FNDC1: variants seen among roughly 807,000 people sequenced by gnomAD.
The protein encoded by FNDC1 is fibronectin type III domain containing 1, also known as fibronectin type III domain-containing protein 1.
In FNDC1, 96 loss-of-function variants were observed where a neutral mutation model predicts 168.0. The ratio of observed to expected loss-of-function variants is 0.57; its 90% CI spans 0.48 to 0.68. FNDC1 has a LOEUF of 0.68. FNDC1 is among the 30% of genes least tolerant of loss of function. The pLI, the probability that FNDC1 is intolerant of heterozygous loss-of-function variation, is 0.00. For synonymous variants in FNDC1, 1,099 were observed against 1,025.9 expected (o/e 1.07, Z -1.36); for missense variants, 2,587 against 2,482.1 (o/e 1.04, Z -0.90).
chr6:159,256,526 A>G lies in FNDC1; in HGVS notation c.5069A>G (p.Tyr1690Cys). The G allele has an allele frequency of 6.2e-7, 1 of 1,610,322 alleles. No homozygotes were observed. Among genetic ancestry groups the G allele is most frequent in the African/African-American group, 1.3e-5 (1 of 74,860 alleles). The change falls in exon 18 of 23, where the codon TAC (tyrosine) becomes TGC (cysteine). Residue 1690 changes from tyrosine (Y) to cysteine (C), a missense_variant. Physicochemically the swap from Tyr to Cys is radical, Grantham distance 194 (BLOSUM62 -2). Coordinates refer to ENST00000297267, the MANE Select transcript of FNDC1 (RefSeq NM_032532.3). ...KATPGDVVTGYLVYSASYEDF... is the reference protein window; with the variant it reads ...KATPGDVVTGCLVYSASYEDF... ...TTTTTCCTGTTTCCATTTTCAGGTT[A>G]CTTGGTTTACAGTGCATCCTATGAA...
chr6:159,244,676 C>T (rs1430677845), intron 14 of FNDC1, among the ~76,000 whole-genome samples: 1 of 152,206 alleles, frequency 6.6e-6, no homozygotes, highest in Non-Finnish European at 1.5e-5. Context: ...TTTAATAGAG[C>T]ATCTTCATAT....
intron 1 of FNDC1, among the ~76,000 whole-genome samples, chr6:159,187,326 C>T (rs775757649): frequency 1.3e-5 from 2 of 152,180 alleles, no homozygotes; most frequent in Non-Finnish European, 2.9e-5. Flanking sequence ...GGGACACCTG[C>T]TTGCCTTGAT....
At chr6:159,267,676 A>G (rs1777617897) in intron 21 of FNDC1, 128 bp from the exon 22 acceptor site, 1 of 955,924 alleles carries the variant, frequency 1.0e-6, no homozygotes, top group African/African-American at 1.7e-5. Flanking sequence ...CAGACATGAA[A>G]AATACAGCAC....
chr6:159,214,284 G>A (rs1166319455), intron 4 of FNDC1, among the ~76,000 whole-genome samples: 1 of 152,186 alleles, frequency 6.6e-6, no homozygotes, highest in Non-Finnish European at 1.5e-5. Flanking sequence ...ACACTGCTTT[G>A]GGAAAGTTTA....
At position 159,239,048 on chromosome 6, in the gene FNDC1, T is replaced by C. The variant is rs371653287; in HGVS notation, c.4180+383T>C. 3.9e-5 allele frequency among the ~76,000 whole-genome samples: 6 copies of C among 152,374 alleles called. No individual in the cohort carries two copies. The East Asian group carries it at 1.2e-3, about 29-fold the overall frequency. ...AATATTTTGTGGCATGGTAATTACG[T>C]GAAATGCACATTTCAGTGTCCATAC... On this transcript the variant is annotated intron_variant, in intron 13 of 22. Transcript: ENST00000297267.
chr6:159,271,408 A>G lies in FNDC1; in HGVS notation c.5651A>G (p.Tyr1884Cys). The change falls in exon 23 of 23, where the codon TAC (tyrosine) becomes TGC (cysteine). Residue 1884 changes from tyrosine to cysteine, a missense_variant. Tyr to Cys is a radical substitution (Grantham distance 194). Coordinates refer to ENST00000297267, the MANE Select transcript of FNDC1 (RefSeq NM_032532.3). The stretch of plus-strand genomic sequence containing the variant: ...ACCCCCTACTACTATGTGGGCTGGT[A>G]CGAGTGTGGGGTCTCCATCCCTGGA... ...FGTPYYYVGWYECGVSIPGKW is the reference protein window; with the variant it reads ...FGTPYYYVGWCECGVSIPGKW 2 of 1,611,850 alleles carry G rather than the reference A, an allele frequency of 1.2e-6. No individual in the cohort carries two copies. The highest frequency in any genetic ancestry group is 1.7e-6 in the Non-Finnish European group (2 of 1,179,108).
At position 159,202,684 on chromosome 6, in the gene FNDC1, T is replaced by C. The variant is rs188509373; in HGVS notation, c.460+2103T>C. Among the ~76,000 whole-genome samples the C allele has an allele frequency of 3.3e-4, 50 of 152,338 alleles. 1 individual carries two copies. The South Asian group carries it at 6.2e-3, about 19-fold the overall frequency. ...AGACCTCCTTTTGCAGGCTTACAGC[T>C]ATCTCAACTGAATTGTCTTTACCTA... On this transcript the variant is annotated intron_variant, in intron 4 of 22. Transcript: ENST00000297267.
rs770572495 is a variant in FNDC1 at position 159,232,544 on chromosome 6, T to C, written c.2032T>C (p.Ser678Pro). 121 of 1,612,048 alleles carry C rather than the reference T, an allele frequency of 7.5e-5. 3 individuals are homozygous for C. Among genetic ancestry groups the C allele is most frequent in the South Asian group, 4.4e-4 (40 of 90,900 alleles). Residue 678 changes from serine (S) to proline (P), a missense_variant, in exon 11 of 23, where the codon TCC (serine) becomes CCC (proline). Coordinates refer to ENST00000297267, the MANE Select transcript of FNDC1 (RefSeq NM_032532.3). The surrounding 1 kb of genome is among the most constrained non-coding windows in gnomAD (Gnocchi z 4.9). ...PALSPSRQSPSSVLRDRSSVH... is the reference protein window; with the variant it reads ...PALSPSRQSPPSVLRDRSSVH... The stretch of plus-strand genomic sequence containing the variant: ...CCTGTCCCCCAGCCGCCAGTCCCCG[T>C]CCAGCGTTCTCCGCGACAGAAGCTC...
intron 4 of FNDC1, among the ~76,000 whole-genome samples, chr6:159,205,038 G>T (rs927106458): frequency 1.3e-5 from 2 of 152,066 alleles, no homozygotes; most frequent in African/African-American, 4.8e-5. Flanking sequence ...AAGGGCTGTT[G>T]TCACCTTCTC....
In FNDC1 at chr6:159,267,900, A is replaced by G; in HGVS notation, c.5543A>G (p.Tyr1848Cys). 6.2e-7 allele frequency: 1 copy of G among 1,611,998 alleles called. No individual in the cohort carries two copies. The change falls in exon 22 of 23, where the codon TAT becomes TGT. Residue 1848 changes from tyrosine to cysteine, a missense_variant. Tyr to Cys is a radical substitution (Grantham distance 194, BLOSUM62 -2). Coordinates refer to ENST00000297267, the MANE Select transcript of FNDC1 (RefSeq NM_032532.3). ...HLDGRTGPQSYVEALPTIQGY... is the reference protein window; with the variant it reads ...HLDGRTGPQSCVEALPTIQGY... ...GATGGAAGAACAGGGCCTCAGTCCT[A>G]TGTAGAAGCCCTCCCTACTATTCAA...
chr6:159,224,557 C>CT (rs34006770), intron 7 of FNDC1, among the ~76,000 whole-genome samples: 6 of 151,902 alleles, frequency 3.9e-5, no homozygotes, highest in African/African-American at 1.2e-4. Context: ...AAGATAGCTG[C>CT]TTTTTTTTGA....
intron 1 of FNDC1, among the ~76,000 whole-genome samples, chr6:159,189,484 A>T (rs1374396234): frequency 6.6e-6 from 1 of 152,208 alleles, no homozygotes; most frequent in East Asian, 1.9e-4. Flanking sequence ...TCCACAATAC[A>T]GTGTGGATTG....
At chr6:159,242,622 A>T (rs1783449124) in intron 14 of FNDC1, among the ~76,000 whole-genome samples, 1 of 152,212 alleles carries the variant, frequency 6.6e-6, no homozygotes, top group Non-Finnish European at 1.5e-5. Flanking sequence ...TTGTGCAATG[A>T]TCACCACTAT....
chr6:159,189,416 C>T (rs1034830650), intron 1 of FNDC1, among the ~76,000 whole-genome samples: 1 of 152,172 alleles, frequency 6.6e-6, no homozygotes, highest in Non-Finnish European at 1.5e-5. Flanking sequence ...GGTCACACGT[C>T]CATTACCAGA....
chr6:159,210,173 G>T (rs1306356437), intron 4 of FNDC1, among the ~76,000 whole-genome samples: 2 of 152,200 alleles, frequency 1.3e-5, no homozygotes, highest in African/African-American at 4.8e-5. Flanking sequence ...TGTGATTTGG[G>T]AGGCACCAAG....
intron 9 of FNDC1, among the ~76,000 whole-genome samples, chr6:159,228,456 C>T (rs1351518137): frequency 6.6e-6 from 1 of 151,974 alleles, no homozygotes; most frequent in Non-Finnish European, 1.5e-5. Context: ...TACTTTTGAC[C>T]ACCACAAATG....
intron 14 of FNDC1, among the ~76,000 whole-genome samples, chr6:159,245,676 C>T (rs1314197162): frequency 6.6e-6 from 1 of 152,128 alleles, no homozygotes; most frequent in Non-Finnish European, 1.5e-5. Context: ...ATGCTTAAAT[C>T]ACTCACCTTT....
Position 159,251,382 on chromosome 6 carries a change from A to C in FNDC1, c.4915A>C (p.Ser1639Arg), listed in dbSNP as rs773704707. Residue 1639 changes from serine to arginine, a missense_variant, in exon 17 of 23, where the codon AGC becomes CGC. By Grantham distance (110) the Ser-to-Arg change is moderately radical. Transcript: ENST00000297267. ...TGCACTGGATCACTTCCAAGTGGACAGCCTGGATGAAATCATCCCCAATGA... is the reference window on the plus strand; with the variant it reads ...TGCACTGGATCACTTCCAAGTGGACCGCCTGGATGAAATCATCCCCAATGA... ...TDALDHFQVD[S>R]LDEIIPNDLK... The C allele has an allele frequency of 6.2e-7, 1 of 1,613,992 alleles. No individual in the cohort carries two copies.
At chr6:159,253,936 A>G (rs549895658) in intron 17 of FNDC1, among the ~76,000 whole-genome samples, 38 of 152,346 alleles carry the variant, frequency 2.5e-4, no homozygotes, top group African/African-American at 8.9e-4. Context: ...CATTGTGTGC[A>G]GCACCAGTGG....
Sources: allele counts gnomAD v4.1 joint callset (sites outside exome capture counted in the v4.1 genomes callset), GRCh38; gene constraint gnomAD v4.1.1; non-coding constraint Gnocchi (gnomAD v3.1); transcripts MANE v1.5; gene names NCBI Gene and HGNC (gene_info 2026-07-23, HGNC 2026-07-21).